Variants in C1orf21 observed in about 807,000 individuals in gnomAD.
C1orf21 encodes the protein chromosome 1 open reading frame 21, also known as uncharacterized protein C1orf21.
A neutral mutation model predicts 18.7 loss-of-function variants in C1orf21; 3 were observed. The ratio of observed to expected loss-of-function variants is 0.16; its 90% CI spans 0.07 to 0.42. The LOEUF (loss-of-function observed/expected upper bound fraction) is 0.42. Ranked by LOEUF, C1orf21 falls within the 10% of genes least tolerant of loss-of-function variation. C1orf21 has a pLI of 0.99. For synonymous variants in C1orf21, 41 were observed against 46.4 expected (o/e 0.88, Z 0.47); for missense variants, 104 against 143.6 (o/e 0.72, Z 1.41).
At chr1:184,432,813 C>T (rs1656786471) in intron 1 of C1orf21, among the ~76,000 whole-genome samples, 1 of 152,138 alleles carries the variant, frequency 6.6e-6, no homozygotes, top group African/African-American at 2.4e-5. Flanking sequence ...CTTGCAAAAT[C>T]CTTAAGATTC....
chr1:184,467,848 C>A (rs1014211528), intron 1 of C1orf21, among the ~76,000 whole-genome samples: 14 of 152,152 alleles, frequency 9.2e-5, no homozygotes, highest in Non-Finnish European at 5.9e-5. Context: ...GGTCATATAT[C>A]ATTTTATAAA....
chr1:184,525,323 C>T (rs1571398846), intron 3 of C1orf21, among the ~76,000 whole-genome samples: 2 of 152,048 alleles, frequency 1.3e-5, no homozygotes, highest in East Asian at 3.9e-4. Flanking sequence ...GTGTGCTCTT[C>T]CTACTATATT....
At chr1:184,438,863 G>A (rs1557972349) in intron 1 of C1orf21, among the ~76,000 whole-genome samples, 2 of 152,156 alleles carry the variant, frequency 1.3e-5, no homozygotes, top group Non-Finnish European at 2.9e-5. Flanking sequence ...ACTTTCTTAA[G>A]TGTCATTGAT....
At chr1:184,520,923 C>T (rs746671316) in intron 3 of C1orf21, among the ~76,000 whole-genome samples, 1 of 152,022 alleles carries the variant, frequency 6.6e-6, no homozygotes, top group Non-Finnish European at 1.5e-5. Context: ...GATGGAATCT[C>T]GCTCTTGTTG....
At chr1:184,452,208 T>C (rs1237320856) in intron 1 of C1orf21, among the ~76,000 whole-genome samples, 1 of 152,184 alleles carries the variant, frequency 6.6e-6, no homozygotes, top group Non-Finnish European at 1.5e-5. Context: ...GATAGAAGGT[T>C]TGATTGGCAG....
In C1orf21 at chr1:184,628,854, A is replaced by G. The variant is rs1660059856; in HGVS notation, c.*9298A>G. On this transcript the variant is annotated 3_prime_UTR_variant, in exon 6 of 6. Coordinates refer to ENST00000235307, the MANE Select transcript of C1orf21 (RefSeq NM_030806.4). Reference sequence around the variant, plus strand: ...AGCAGTGGGCCCATGTCGCTTGAATATTATTTTTGATTTGACCACCAAGAT... The same window carrying G: ...AGCAGTGGGCCCATGTCGCTTGAATGTTATTTTTGATTTGACCACCAAGAT... 2 of 152,404 alleles carry G rather than the reference A, an allele frequency of 1.3e-5. 1 individual carries two copies. Among genetic ancestry groups the G allele is most frequent in the South Asian group, 4.2e-4 (2 of 4,806 alleles). 9.4% of individuals were successfully genotyped at this position (152,404 alleles called of 1,614,324 possible). A position where few individuals can be genotyped will look rare whatever the true frequency, so the allele number is the denominator to read the frequency against.
At chr1:184,418,349 G>C (rs1350663822) in intron 1 of C1orf21, among the ~76,000 whole-genome samples, 1 of 152,066 alleles carries the variant, frequency 6.6e-6, no homozygotes, top group Non-Finnish European at 1.5e-5. Context: ...CTCCCAAATA[G>C]CTGGCATGTG....
chr1:184,412,972 C>T (rs1656379443), intron 1 of C1orf21, among the ~76,000 whole-genome samples: 1 of 152,144 alleles, frequency 6.6e-6, no homozygotes, highest in Non-Finnish European at 1.5e-5. Context: ...TCTTCCTTAG[C>T]CTTTCTAGAA....
chr1:184,494,409 T>C (rs1254041696), intron 2 of C1orf21, among the ~76,000 whole-genome samples: 2 of 152,126 alleles, frequency 1.3e-5, no homozygotes, highest in Non-Finnish European at 2.9e-5. Flanking sequence ...AGGGGAGTGA[T>C]GAGGTCTGAC....
At chr1:184,460,714 T>C (rs902014906) in intron 1 of C1orf21, among the ~76,000 whole-genome samples, 3 of 70,988 alleles carry the variant, frequency 4.2e-5, no homozygotes, top group Non-Finnish European at 9.4e-5. Context: ...CTCTTCTTCC[T>C]TTTTTTTTTT....
At chr1:184,420,276 G>A (rs1398901549) in intron 1 of C1orf21, among the ~76,000 whole-genome samples, 1 of 151,718 alleles carries the variant, frequency 6.6e-6, no homozygotes, top group East Asian at 1.9e-4. Flanking sequence ...AGGCATTTTT[G>A]TAGCCTAAAA....
chr1:184,409,444 G>C (rs1026984474), intron 1 of C1orf21, among the ~76,000 whole-genome samples: 1 of 152,182 alleles, frequency 6.6e-6, no homozygotes, highest in South Asian at 2.1e-4. Context: ...TGGATTTTTA[G>C]TACAGGTCCT....
At position 184,460,614 on chromosome 1, in the gene C1orf21, GTCGTCGTCT is replaced by G. The variant is rs1238245274; in HGVS notation, c.-124-16769_-124-16761del. ...CTGGAGTTGGGCTGTTAGTATTGTC[GTCGTCGTCT>G]TCTTCTTCTTCTTCTTCTTCTTCTT... On this transcript the variant is annotated intron_variant, in intron 1 of 5. Coordinates refer to ENST00000235307, the MANE Select transcript of C1orf21 (RefSeq NM_030806.4). Among the ~76,000 whole-genome samples the G allele has an allele frequency of 2.9e-3, 364 of 127,198 alleles. 2 individuals carry two copies. Among genetic ancestry groups the G allele is most frequent in the African/African-American group, 0.011 (295 of 26,952 alleles). 83.4% of individuals were successfully genotyped at this position (127,198 alleles called of 152,430 possible). A position where few individuals can be genotyped will look rare whatever the true frequency, so the allele number is the denominator to read the frequency against.
intron 1 of C1orf21, among the ~76,000 whole-genome samples, chr1:184,397,248 G>A (rs201613393): frequency 1.3e-5 from 2 of 152,272 alleles, no homozygotes; most frequent in East Asian, 1.9e-4. Context: ...ATGTGGGAAC[G>A]TTTATTTGAT....
intron 2 of C1orf21, among the ~76,000 whole-genome samples, chr1:184,479,767 A>G (rs1373493768): frequency 6.6e-6 from 1 of 151,698 alleles, no homozygotes; most frequent in Non-Finnish European, 1.5e-5. Flanking sequence ...GACTACAGGC[A>G]CGTGCGCTCA....
intron 1 of C1orf21, among the ~76,000 whole-genome samples, chr1:184,428,352 A>G (rs1172041289): frequency 2.0e-5 from 3 of 152,332 alleles, no homozygotes; most frequent in Admixed American, 6.5e-5. Flanking sequence ...CATTACTTCA[A>G]TGAACAGCTG....
intron 3 of C1orf21, among the ~76,000 whole-genome samples, chr1:184,519,292 A>T (rs1344447050): frequency 2.6e-5 from 4 of 152,194 alleles, no homozygotes; most frequent in Non-Finnish European, 4.4e-5. Flanking sequence ...AAAGGATAGC[A>T]TCTAGTTTAT....
intron 1 of C1orf21, among the ~76,000 whole-genome samples, chr1:184,405,074 T>C (rs1234363219): frequency 6.6e-6 from 1 of 152,224 alleles, no homozygotes; most frequent in Admixed American, 6.5e-5. Context: ...TAAAACCTTT[T>C]TCTTAATTCT....
At chr1:184,615,912 C>A (rs754832683) in intron 5 of C1orf21, among the ~76,000 whole-genome samples, 42 of 152,136 alleles carry the variant, frequency 2.8e-4, no homozygotes, top group Admixed American at 1.2e-3. Context: ...ATGTATCATA[C>A]CCAAGAGTTA....
Sources: gnomAD v4.1 joint callset for allele counts (sites outside exome capture counted in the v4.1 genomes callset) on GRCh38, gnomAD v4.1.1 for gene constraint, MANE v1.5 for transcripts, NCBI Gene and HGNC (gene_info 2026-07-23, HGNC 2026-07-21) for gene names.